Variants in GRB2 observed in about 807,000 individuals in gnomAD.
The protein encoded by GRB2 is growth factor receptor-bound protein 2.
Under a neutral mutation model 27.4 loss-of-function variants are expected in GRB2, and 2 were observed. The ratio of observed to expected loss-of-function variants is 0.07; its 90% CI spans 0.03 to 0.23. The LOEUF is 0.23. Ranked by LOEUF, GRB2 falls within the 10% of genes least tolerant of loss-of-function variation. The pLI is 1.00. For synonymous variants in GRB2, 94 were observed against 99.6 expected (o/e 0.94, Z 0.33); for missense variants, 102 against 282.4 (o/e 0.36, Z 4.58).
chr17:75,388,107 G>GT (rs1436683344), intron 2 of GRB2, among the ~76,000 whole-genome samples: 1 of 151,492 alleles, frequency 6.6e-6, no homozygotes, highest in Non-Finnish European at 1.5e-5. Flanking sequence ...TTTTGTTTTT[G>GT]TTTTTTTGAG....
At chr17:75,330,411 T>C (rs890792157) in intron 3 of GRB2, among the ~76,000 whole-genome samples, 26 of 149,688 alleles carry the variant, frequency 1.7e-4, no homozygotes, top group Non-Finnish European at 1.9e-4. Flanking sequence ...AAACAAAAGA[T>C]GGGCTTTGGC....
chr17:75,398,951 T>C (rs2079046199), intron 1 of GRB2, among the ~76,000 whole-genome samples: 2 of 151,792 alleles, frequency 1.3e-5, no homozygotes, highest in African/African-American at 4.8e-5. Flanking sequence ...TTTCGCCATG[T>C]TGCCCAGGAT....
chr17:75,403,747 G>C (rs1490185607), intron 1 of GRB2, among the ~76,000 whole-genome samples: 2 of 151,034 alleles, frequency 1.3e-5, no homozygotes, highest in African/African-American at 4.9e-5. Flanking sequence ...CTGGGCGACA[G>C]AGCGAGACTC....
intron 1 of GRB2, among the ~76,000 whole-genome samples, chr17:75,401,392 C>G (rs1204598823): frequency 6.9e-6 from 1 of 145,852 alleles, no homozygotes; most frequent in African/African-American, 2.5e-5. Context: ...TTGCAGTGAG[C>G]CGAGATTGCG....
intron 2 of GRB2, among the ~76,000 whole-genome samples, chr17:75,381,817 T>A (rs1177343459): frequency 1.3e-5 from 2 of 152,062 alleles, no homozygotes; most frequent in African/African-American, 4.8e-5. Flanking sequence ...CCCTTTCTTG[T>A]TCTCAGTGAA....
chr17:75,386,385 T>C (rs2078964100), intron 2 of GRB2, among the ~76,000 whole-genome samples: 1 of 152,240 alleles, frequency 6.6e-6, no homozygotes, highest in African/African-American at 2.4e-5. Flanking sequence ...CCCAAAGTGC[T>C]GGGATTATAG....
At chr17:75,334,802 A>G (rs1341590971) in intron 2 of GRB2, among the ~76,000 whole-genome samples, 2 of 152,008 alleles carry the variant, frequency 1.3e-5, no homozygotes, top group East Asian at 3.9e-4. Context: ...AAGAAAAGTT[A>G]TAACAATATA....
chr17:75,382,200 TGAC>T (rs1475063898), intron 2 of GRB2, among the ~76,000 whole-genome samples: 2 of 143,636 alleles, frequency 1.4e-5, no homozygotes, highest in East Asian at 4.1e-4. Flanking sequence ...TCCAGCCTGA[TGAC>T]AGAGCAAGAC....
chr17:75,369,864 A>AAC (rs1325239698), intron 2 of GRB2, among the ~76,000 whole-genome samples: 5 of 151,728 alleles, frequency 3.3e-5, no homozygotes, highest in Non-Finnish European at 5.9e-5. Flanking sequence ...TCAAAAAAAA[A>AAC]AAACTGTTTT....
At chr17:75,379,317 A>C (rs1029975841) in intron 2 of GRB2, among the ~76,000 whole-genome samples, 1 of 151,984 alleles carries the variant, frequency 6.6e-6, no homozygotes, top group Admixed American at 6.6e-5. Flanking sequence ...GGGAATTATG[A>C]CCTAATTTAT....
intron 3 of GRB2, among the ~76,000 whole-genome samples, chr17:75,329,729 C>T (rs756295261): frequency 1.3e-4 from 19 of 151,682 alleles, no homozygotes; most frequent in African/African-American, 1.7e-4. Flanking sequence ...CCTGTCTCTA[C>T]GAAAAATAAA....
intron 2 of GRB2, chr17:75,371,952 G>T (rs1373419183): frequency 1.3e-5 from 2 of 152,140 alleles, no homozygotes; most frequent in African/African-American, 4.8e-5. Flanking sequence ...GAATTAAAAT[G>T]AGTATCTACA....
intron 2 of GRB2, among the ~76,000 whole-genome samples, chr17:75,358,900 TA>T (rs2078756124): frequency 4.2e-5 from 1 of 23,588 alleles, no homozygotes; most frequent in African/African-American, 5.7e-5. Flanking sequence ...AAAAAAAAAT[TA>T]TATATATATA....
chr17:75,363,487 T>C (rs2145849443), intron 2 of GRB2, among the ~76,000 whole-genome samples: 1 of 152,304 alleles, frequency 6.6e-6, no homozygotes, highest in African/African-American at 2.4e-5. Context: ...ATGCAAGGAA[T>C]GTTATACTCT....
chr17:75,331,744 C>T (rs960062081), intron 3 of GRB2, among the ~76,000 whole-genome samples: 9 of 152,128 alleles, frequency 5.9e-5, no homozygotes, highest in Non-Finnish European at 1.2e-4. Flanking sequence ...GTATGCAGCC[C>T]ACAAAGTCGA....
At chr17:75,333,788 T>C (rs559665536) in intron 2 of GRB2, among the ~76,000 whole-genome samples, 6 of 152,184 alleles carry the variant, frequency 3.9e-5, no homozygotes, top group Non-Finnish European at 5.9e-5. Flanking sequence ...GCTGAAAGCA[T>C]ATCAACCAGC....
rs1212562376 is a variant in GRB2 at position 75,393,640 on chromosome 17, C to G, written c.-12G>C. ...GCGATGGCTTCCATTCTGAGCGCTG[C>G]TCAGTGCTCAGCAGCCTGAAGCAGG... On this transcript the variant is annotated 5_prime_UTR_variant, in exon 2 of 6. Transcript: ENST00000316804. The G allele has an allele frequency of 1.2e-6, 2 of 1,608,584 alleles. No homozygotes were observed. The highest frequency in any genetic ancestry group is 1.7e-6 in the Non-Finnish European group (2 of 1,174,976).
At chr17:75,375,523 T>A (rs1246944462) in intron 2 of GRB2, among the ~76,000 whole-genome samples, 1 of 152,166 alleles carries the variant, frequency 6.6e-6, no homozygotes, top group African/African-American at 2.4e-5. Context: ...TGGTAGGCCA[T>A]AAAACAAGCC....
At chr17:75,360,069 G>A (rs1041786944) in intron 2 of GRB2, among the ~76,000 whole-genome samples, 1 of 152,006 alleles carries the variant, frequency 6.6e-6, no homozygotes, top group African/African-American at 2.4e-5. Flanking sequence ...ATTGCTTGAG[G>A]CCAGGGGTTA....
Sources: allele counts gnomAD v4.1 joint callset (sites outside exome capture counted in the v4.1 genomes callset), GRCh38; gene constraint gnomAD v4.1.1; transcripts MANE v1.5; gene names NCBI Gene and HGNC (gene_info 2026-07-23, HGNC 2026-07-21).